The following PKD1L3 variants were observed in gnomAD, a reference collection of about 807,000 sequenced individuals.
The protein encoded by PKD1L3 is polycystin-1-like protein 3.
In PKD1L3, 239 loss-of-function variants were observed where a neutral mutation model predicts 184.1. The ratio of observed to expected loss-of-function variants is 1.30; its 90% CI spans 1.17 to 1.45. The LOEUF is 1.45. Among genes scored for constraint, PKD1L3 ranks in the 40% most tolerant of loss-of-function variants. PKD1L3 has a pLI of 0.00. For missense variants in PKD1L3, 2,660 were observed against 2,067.2 expected (o/e 1.29, Z -5.56); for synonymous variants, 996 against 778.8 (o/e 1.28, Z -4.64).
chr16:71,948,890 C>T (rs118135295), intron 21 of PKD1L3, among the ~76,000 whole-genome samples: 4 of 148,794 alleles, frequency 2.7e-5, no homozygotes, highest in Non-Finnish European at 5.9e-5. Flanking sequence ...TCCACCACTA[C>T]AGTCAAGATA....
Position 71,944,076 on chromosome 16 carries a change from T to A in PKD1L3, c.3813A>T (p.Arg1271Ser). ...TGAAGAGTTTCTTCTTTTTCAAGGT[T>A]CTTTCTGGGTGCTTAGTTGGACTAT... ...AINSPTKHPE[R>S]TLKKKKLFKL... Residue 1271 changes from arginine (R) to serine (S), a missense_variant, in exon 23 of 30, where the codon AGA becomes AGT. Transcript: ENST00000620267. The A allele has an allele frequency of 1.3e-6, 2 of 1,552,234 alleles. No individual in the cohort carries two copies. Among genetic ancestry groups the A allele is most frequent in the African/African-American group, 1.4e-5 (1 of 73,164 alleles).
At chr16:71,992,415 T>C (rs148127851) in intron 3 of PKD1L3, among the ~76,000 whole-genome samples, 1 of 152,372 alleles carries the variant, frequency 6.6e-6, no homozygotes, top group Non-Finnish European at 1.5e-5. Flanking sequence ...AAGGTAATAA[T>C]GGAAGCATTG....
intron 4 of PKD1L3, among the ~76,000 whole-genome samples, chr16:71,987,683 C>T (rs1214192365): frequency 6.6e-6 from 1 of 151,772 alleles, no homozygotes; most frequent in African/African-American, 2.4e-5. Context: ...CCTTTTTTCA[C>T]TTTTTTAGAC....
At chr16:71,978,665 A>G (rs528233570) in intron 9 of PKD1L3, among the ~76,000 whole-genome samples, 1 of 151,206 alleles carries the variant, frequency 6.6e-6, no homozygotes, top group East Asian at 1.9e-4. Flanking sequence ...TCAGCCTCCC[A>G]AGTAGCTGGG....
rs1191329120 is a variant in PKD1L3, at chr16:71,973,419, G to A, written c.1858C>T (p.Gln620Ter). ...ACCGAGACCAAGCTGGGTGTCTGCT[G>A]AGCACCCTCCTGCCTCTCACTCAGC... Reference protein sequence around the residue: ...AVLSERQEGAQQTPSLVSVIT... With the variant: ...AVLSERQEGA Residue 620 changes from glutamine to a stop codon, truncating the protein, a stop_gained, in exon 12 of 30, where the codon CAG becomes TAG. Coordinates refer to ENST00000620267, the MANE Select transcript of PKD1L3 (RefSeq NM_181536.2). LOFTEE classifies it high-confidence loss of function. 1 of 1,551,660 alleles carries A rather than the reference G, an allele frequency of 6.4e-7. No homozygotes were observed. The highest frequency in any genetic ancestry group is 1.4e-5 in the African/African-American group (1 of 73,162).
At position 71,957,607 on chromosome 16, in the gene PKD1L3, G is replaced by A. The variant is rs539619430; in HGVS notation, c.2613-3306C>T. 9.9e-5 allele frequency among the ~76,000 whole-genome samples: 15 copies of A among 152,194 alleles called. No homozygotes were observed. In the East Asian group the frequency reaches 2.5e-3, roughly 26 times the overall value. On this transcript the variant is annotated intron_variant, in intron 16 of 29. Transcript: ENST00000620267. The stretch of plus-strand genomic sequence containing the variant: ...GAGGTCAGGAGTTCGAGACCAGCCT[G>A]GCCAACATGGTGAAACCCCATCTCT...
Position 71,929,688 on chromosome 16 carries a change from G to GAAGAC in PKD1L3, c.5059-15_5059-11dup. The GAAGAC allele has an allele frequency of 6.6e-7, 1 of 1,526,228 alleles. No homozygotes were observed. The highest frequency in any genetic ancestry group is 8.8e-7 in the Non-Finnish European group (1 of 1,137,608). The allele number at this position is 1,526,228 out of a possible 1,614,324, so 94.5% of individuals were successfully genotyped here. A position where few individuals can be genotyped will look rare whatever the true frequency, so the allele number is the denominator to read the frequency against. On this transcript the variant is annotated splice_polypyrimidine_tract_variant and intron_variant, in intron 29 of 29. Coordinates refer to ENST00000620267, the MANE Select transcript of PKD1L3 (RefSeq NM_181536.2). Reference sequence around the variant, plus strand: ...TTAGTGCAGCTTCTTTCTGAGTATTGAAGACAAAAAGAGAAAAGTGAGAAA... The same window carrying GAAGAC: ...TTAGTGCAGCTTCTTTCTGAGTATTGAAGACAAGACAAAAAGAGAAAAGTGAGAAA...
At chr16:71,970,879 T>C (rs201661565) in intron 12 of PKD1L3, among the ~76,000 whole-genome samples, 2 of 152,188 alleles carry the variant, frequency 1.3e-5, no homozygotes, top group African/African-American at 2.4e-5. Flanking sequence ...TGTATCAACA[T>C]GGATAAATGC....
intron 28 of PKD1L3, among the ~76,000 whole-genome samples, 200 bp downstream of exon 28, chr16:71,933,220 G>T (rs944307962): frequency 2.6e-5 from 4 of 152,124 alleles, no homozygotes; most frequent in African/African-American, 2.4e-5. Flanking sequence ...GAGTGCTTAG[G>T]AAAGGGCAGG....
At chr16:71,943,747 C>A (rs544726345) in intron 23 of PKD1L3, among the ~76,000 whole-genome samples, 1 of 152,250 alleles carries the variant, frequency 6.6e-6, no homozygotes, top group South Asian at 2.1e-4. Context: ...GAAGAGCCAT[C>A]TGCCAAAGCA....
intron 2 of PKD1L3, 84 bp from the exon 3 acceptor site, chr16:71,993,416 G>A (rs2040668280): frequency 4.8e-6 from 4 of 837,592 alleles, no homozygotes; most frequent in Admixed American, 3.4e-5. Flanking sequence ...ATGCACGTAT[G>A]TGATAATCAG....
intron 22 of PKD1L3, among the ~76,000 whole-genome samples, chr16:71,946,022 G>A (rs542947899): frequency 3.3e-5 from 5 of 152,210 alleles, no homozygotes; most frequent in South Asian, 2.1e-4. Flanking sequence ...ACGATGGCAC[G>A]ATCTTGGCTC....
In PKD1L3 at chr16:71,942,461, C is replaced by T. The variant is rs1371859552; in HGVS notation, c.4324+99G>A. 5 of 1,073,020 alleles carry T rather than the reference C, an allele frequency of 4.7e-6. No homozygotes were observed. The African/African-American group carries it at 8.0e-5, about 17-fold the overall frequency. 66.5% of individuals were successfully genotyped at this position (1,073,020 alleles called of 1,614,324 possible). On this transcript the variant is annotated intron_variant, in intron 24 of 29. Transcript: ENST00000620267. ...CAAATTTACCTCTCTTGTACTCTTCCAGGAAGTTACCTTCAATGAAACCAC... is the reference window on the plus strand; with the variant it reads ...CAAATTTACCTCTCTTGTACTCTTCTAGGAAGTTACCTTCAATGAAACCAC...
At chr16:71,996,412 C>T (rs1423446877) in intron 2 of PKD1L3, among the ~76,000 whole-genome samples, 1 of 152,038 alleles carries the variant, frequency 6.6e-6, no homozygotes. Flanking sequence ...AGGTGCACAC[C>T]ACCACGCCTG....
chr16:71,973,853 T>C (rs2039814610), intron 11 of PKD1L3, among the ~76,000 whole-genome samples: 1 of 151,778 alleles, frequency 6.6e-6, no homozygotes, highest in Non-Finnish European at 1.5e-5. Flanking sequence ...AATACAAAAA[T>C]TAGTGGGGTG....
Position 71,937,207 on chromosome 16 carries a change from C to T in PKD1L3, c.4452+85G>A. ...AGTAGCTGGGACCACAGGTGCATGC[C>T]ACCACACCTGGGTAATTTTTGTAGT... On this transcript the variant is annotated intron_variant, in intron 25 of 29. Coordinates refer to ENST00000620267, the MANE Select transcript of PKD1L3 (RefSeq NM_181536.2). 6 of 1,364,864 alleles carry T rather than the reference C, an allele frequency of 4.4e-6. No individual in the cohort carries two copies. In the South Asian group the frequency reaches 5.5e-5, roughly 13 times the overall value. 84.5% of individuals were successfully genotyped at this position (1,364,864 alleles called of 1,614,324 possible). A position where few individuals can be genotyped will look rare whatever the true frequency, so the allele number is the denominator to read the frequency against.
chr16:71,962,959 C>G (rs917965771), intron 16 of PKD1L3, among the ~76,000 whole-genome samples: 1 of 152,026 alleles, frequency 6.6e-6, no homozygotes, highest in Non-Finnish European at 1.5e-5. Context: ...AAATGATTCT[C>G]TAGGTAAACA....
At chr16:71,942,236 G>T (rs963167879) in intron 24 of PKD1L3, among the ~76,000 whole-genome samples, 5 of 152,260 alleles carry the variant, frequency 3.3e-5, no homozygotes, top group African/African-American at 1.2e-4. Flanking sequence ...GGAGGCTCAG[G>T]CAGGGAGAAC....
chr16:71,997,887 C>T (rs546590344), intron 2 of PKD1L3, among the ~76,000 whole-genome samples: 1 of 152,190 alleles, frequency 6.6e-6, no homozygotes, highest in Non-Finnish European at 1.5e-5. Flanking sequence ...GCCCTCTCAC[C>T]GTTCGACTTC....
Sources: gnomAD v4.1 joint callset for allele counts (sites outside exome capture counted in the v4.1 genomes callset) on GRCh38, gnomAD v4.1.1 for gene constraint, MANE v1.5 for transcripts, NCBI Gene and HGNC (gene_info 2026-07-23, HGNC 2026-07-21) for gene names.